Variants in EML5 observed in about 807,000 individuals in gnomAD.
EML5 encodes echinoderm microtubule-associated protein-like 5.
EML5 carries 120 observed loss-of-function variants against 250.0 expected under a neutral mutation model. That is an observed-to-expected ratio of 0.48 (90% CI 0.41 to 0.56). The LOEUF (loss-of-function observed/expected upper bound fraction) is 0.56. EML5 is among the 20% of genes least tolerant of loss of function. EML5 has a pLI of 0.00. For synonymous variants in EML5, 771 were observed against 806.5 expected, an observed-to-expected ratio of 0.96 and a Z score of 0.75; for missense variants, 2,006 against 2,437.6, an observed-to-expected ratio of 0.82 and a Z score of 3.73.
Position 88,746,294 on chromosome 14 carries a change from T to C in EML5, c.358-11A>G. 6.2e-7 allele frequency: 1 copy of C among 1,608,934 alleles called. No homozygotes were observed. The highest frequency in any genetic ancestry group is 8.5e-7 in the Non-Finnish European group (1 of 1,177,138). On this transcript the variant is annotated splice_polypyrimidine_tract_variant and intron_variant, in intron 2 of 43. Coordinates refer to ENST00000554922, the MANE Select transcript of EML5 (RefSeq NM_183387.3). ...AACTGAAACCAAGCGCTGATTTATG[T>C]CCAAGAAGTCCAGGAAGGAATAAAA...
At chr14:88,728,923 A>G (rs1290187726) in intron 7 of EML5, among the ~76,000 whole-genome samples, 2 of 152,322 alleles carry the variant, frequency 1.3e-5, no homozygotes, top group East Asian at 1.9e-4. Context: ...GAAAAAGATC[A>G]GCAAAACTAA....
intron 33 of EML5, among the ~76,000 whole-genome samples, chr14:88,629,453 C>T (rs1043451042): frequency 6.6e-6 from 1 of 152,146 alleles, no homozygotes; most frequent in African/African-American, 2.4e-5. Context: ...CTGTTCTAAA[C>T]TTACATCAGT....
intron 22 of EML5, 35 bp from the exon 23 acceptor site, chr14:88,664,659 T>C (rs751537160): frequency 1.4e-5 from 23 of 1,590,924 alleles, no homozygotes; most frequent in Admixed American, 1.4e-4. Context: ...ACATTTTCTA[T>C]CTTTGGAAAT....
At chr14:88,623,805 A>G (rs2089481793) in intron 36 of EML5, 1 of 152,162 alleles carries the variant, frequency 6.6e-6, no homozygotes, top group African/African-American at 2.4e-5. Context: ...GCTTCTAGTG[A>G]GTGGGGGTGT....
At chr14:88,632,880 T>A (rs2090516423) in intron 33 of EML5, among the ~76,000 whole-genome samples, 1 of 152,168 alleles carries the variant, frequency 6.6e-6, no homozygotes, top group African/African-American at 2.4e-5. Flanking sequence ...AAACACCTCA[T>A]GTGTGTTGCT....
chr14:88,750,219 T>C (rs908580141), intron 2 of EML5, among the ~76,000 whole-genome samples: 1 of 152,172 alleles, frequency 6.6e-6, no homozygotes, highest in African/African-American at 2.4e-5. Context: ...ACTAGCAGGG[T>C]GACTTTGGAC....
intron 29 of EML5, among the ~76,000 whole-genome samples, chr14:88,646,728 G>A (rs998054281): frequency 6.6e-6 from 1 of 152,000 alleles, no homozygotes; most frequent in African/African-American, 2.4e-5. Context: ...AATTATACAA[G>A]TTGAATGGAT....
chr14:88,680,738 C>A (rs567595850), intron 21 of EML5, among the ~76,000 whole-genome samples: 2 of 151,852 alleles, frequency 1.3e-5, no homozygotes, highest in East Asian at 3.9e-4. Flanking sequence ...AGAGTAAACA[C>A]GGGTTATATT....
intron 1 of EML5, among the ~76,000 whole-genome samples, chr14:88,756,831 A>T (rs982632877): frequency 6.6e-6 from 1 of 151,926 alleles, no homozygotes; most frequent in Non-Finnish European, 1.5e-5. Flanking sequence ...ATTTTAAAAG[A>T]TCTAAATAAA....
intron 1 of EML5, among the ~76,000 whole-genome samples, chr14:88,769,765 C>T (rs1328359043): frequency 3.3e-5 from 5 of 152,222 alleles, no homozygotes; most frequent in Admixed American, 1.3e-4. Context: ...ATCATGAATT[C>T]GTATCAACAC....
intron 1 of EML5, among the ~76,000 whole-genome samples, chr14:88,767,165 G>C (rs965033607): frequency 2.6e-5 from 4 of 152,110 alleles, no homozygotes; most frequent in African/African-American, 9.7e-5. Context: ...ATCCAATTAG[G>C]TTCAAGGTAC....
intron 1 of EML5, among the ~76,000 whole-genome samples, chr14:88,785,199 A>G (rs891229771): frequency 3.9e-5 from 6 of 152,186 alleles, no homozygotes; most frequent in African/African-American, 1.4e-4. Flanking sequence ...AGGGTCGTGG[A>G]GGACTCAGGG....
intron 1 of EML5, among the ~76,000 whole-genome samples, chr14:88,766,745 T>C (rs1040832438): frequency 7.2e-5 from 11 of 152,162 alleles, no homozygotes; most frequent in Non-Finnish European, 1.3e-4. Flanking sequence ...AATAAAAACT[T>C]ACCAGTTTTG....
At chr14:88,781,697 GA>G (rs2094499379) in intron 1 of EML5, among the ~76,000 whole-genome samples, 1 of 152,166 alleles carries the variant, frequency 6.6e-6, no homozygotes, top group Non-Finnish European at 1.5e-5. Context: ...GAGATCTGAT[GA>G]TTTTATAAAG....
chr14:88,653,375 G>A (rs2091725806), intron 27 of EML5, among the ~76,000 whole-genome samples: 1 of 152,128 alleles, frequency 6.6e-6, no homozygotes, highest in South Asian at 2.1e-4. Context: ...TCTTGTGCCG[G>A]TTTTCAAAGG....
At chr14:88,696,292 CTCT>C (rs1360113218) in intron 15 of EML5, among the ~76,000 whole-genome samples, 2 of 151,990 alleles carry the variant, frequency 1.3e-5, no homozygotes, top group Admixed American at 1.3e-4. Flanking sequence ...TATTTCCTCC[CTCT>C]TCCCAATTCA....
Position 88,626,989 on chromosome 14 carries a change from C to T in EML5, c.4589G>A (p.Arg1530Gln), listed in dbSNP as rs1489070677. The T allele has an allele frequency of 2.5e-6, 4 of 1,613,830 alleles. No homozygotes were observed. The highest frequency in any genetic ancestry group is 1.3e-5 in the African/African-American group (1 of 75,004). ...HNQRIFVAEFRPDSDTQFVSV... is the reference protein window; with the variant it reads ...HNQRIFVAEFQPDSDTQFVSV... ...GACAAACTGGGTATCTGAATCTGGT[C>T]GGAATTCTGCCACAAAAATACGTTG... The change falls in exon 35 of 44, where the codon CGA becomes CAA. Residue 1530 changes from arginine (R) to glutamine (Q), a missense_variant. This residue lies in a region of EML5 where 405 missense variants were observed against 523.3 expected (regional missense o/e 0.77). Coordinates refer to ENST00000554922, the MANE Select transcript of EML5 (RefSeq NM_183387.3).
chr14:88,760,471 T>C (rs886754909), intron 1 of EML5, among the ~76,000 whole-genome samples: 3 of 141,622 alleles, frequency 2.1e-5, no homozygotes, highest in Non-Finnish European at 4.7e-5. Flanking sequence ...ATTGACCATA[T>C]CTATATTACT....
intron 7 of EML5, among the ~76,000 whole-genome samples, chr14:88,729,169 C>T (rs1566712796): frequency 6.6e-6 from 1 of 151,834 alleles, no homozygotes; most frequent in Admixed American, 6.6e-5. Flanking sequence ...CATATATATA[C>T]ACATACATAT....
Sources: gnomAD v4.1 joint callset for allele counts (sites outside exome capture counted in the v4.1 genomes callset) on GRCh38, gnomAD v4.1.1 for gene constraint, gnomAD v4.1.1 regional missense constraint, MANE v1.5 for transcripts, NCBI Gene and HGNC (gene_info 2026-07-23, HGNC 2026-07-21) for gene names.